SYNE1: variants seen among roughly 807,000 people sequenced by gnomAD.
The protein encoded by SYNE1 is spectrin repeat containing nuclear envelope protein 1.
Under a neutral mutation model 1,111.0 loss-of-function variants are expected in SYNE1, and 616 were observed. The observed-to-expected ratio is 0.55, with a 90% CI of 0.52 to 0.59. The LOEUF (loss-of-function observed/expected upper bound fraction) is 0.59. Among genes scored for constraint, SYNE1 ranks in the 20% least tolerant of loss-of-function variants. The pLI, the probability that SYNE1 is intolerant of heterozygous loss-of-function variation, is 0.00. For synonymous variants in SYNE1, 3,855 were observed against 3,825.8 expected, an observed-to-expected ratio of 1.01 and a Z score of -0.28; for missense variants, 10,006 against 10,417.0, an observed-to-expected ratio of 0.96 and a Z score of 1.72.
chr6:152,218,428 T>C (rs577726724), intron 120 of SYNE1, 25 bp from the exon 121 acceptor site: 6 of 1,569,842 alleles, frequency 3.8e-6, no homozygotes, highest in East Asian at 4.7e-5. Flanking sequence ...AAGAAATTGG[T>C]ATTTCAGTTA....
At chr6:152,231,089 A>C (rs1329270527) in intron 114 of SYNE1, among the ~76,000 whole-genome samples, 1 of 152,256 alleles carries the variant, frequency 6.6e-6, no homozygotes, top group Admixed American at 6.5e-5. Flanking sequence ...ATAAAGTATG[A>C]ATCAATGACT....
At chr6:152,432,174 G>A (rs1399901080) in intron 34 of SYNE1, among the ~76,000 whole-genome samples, 1 of 152,166 alleles carries the variant, frequency 6.6e-6, no homozygotes, top group Non-Finnish European at 1.5e-5. Context: ...TTAGGAATAA[G>A]AACTCAGTCA....
chr6:152,213,521 C>A, intron 123 of SYNE1, 91 bp downstream of exon 123: 1 of 1,417,360 alleles, frequency 7.1e-7, no homozygotes, highest in Non-Finnish European at 1.0e-6. Flanking sequence ...GTGCAAAGGG[C>A]ATGATTTTAA....
rs146099481 is a variant in SYNE1, at chr6:152,399,679, C to T, written c.7174G>A (p.Val2392Met). 1.9e-5 allele frequency: 30 copies of T among 1,614,130 alleles called. No homozygotes were observed. In the East Asian group the frequency reaches 4.2e-4, roughly 23 times the overall value. The part of the protein sequence containing the change: ...MTGLIKKHEA[V>M]SQLCSKTQAS... The stretch of plus-strand genomic sequence containing the variant: ...TGGGTTTTGGAGCACAACTGGCTCA[C>T]GGCTTCATGTTTCTTTATCAGACCA... The change falls in exon 48 of 146, where the codon GTG becomes ATG. Residue 2392 changes from valine to methionine, a missense_variant. This residue lies in a region of SYNE1 where 4,955 missense variants were observed against 5,017.2 expected (regional missense o/e 0.99). Transcript: ENST00000367255.
intron 96 of SYNE1, 141 bp downstream of exon 96, chr6:152,283,836 TG>T: frequency 1.3e-6 from 1 of 781,244 alleles, no homozygotes. Context: ...CTCCCGGCCG[TG>T]GAGACCATTC....
At chr6:152,360,178 G>A (rs1381056027) in intron 64 of SYNE1, among the ~76,000 whole-genome samples, 2 of 152,152 alleles carry the variant, frequency 1.3e-5, no homozygotes, top group Non-Finnish European at 2.9e-5. Flanking sequence ...TCCCAATGCT[G>A]CCGGGATCAA....
chr6:152,584,966 G>A (rs1010775650), intron 3 of SYNE1, among the ~76,000 whole-genome samples: 1 of 152,156 alleles, frequency 6.6e-6, no homozygotes, highest in African/African-American at 2.4e-5. Context: ...GCTTGGCTAT[G>A]TCTCCATCCA....
In SYNE1 at chr6:152,389,303, T is replaced by G. The variant is rs140735359; in HGVS notation, c.8177+977A>C. 3.0e-3 allele frequency among the ~76,000 whole-genome samples: 461 copies of G among 152,292 alleles called. 2 individuals are homozygous for G. The highest frequency in any genetic ancestry group is 6.8e-3 in the Middle Eastern group (2 of 292). ...CTGCCCAGATTTATTTCATTGCCCA[T>G]GTACTAAGCCTAGCATATGACAGTT... On this transcript the variant is annotated intron_variant, in intron 53 of 145. Transcript: ENST00000367255.
rs577328224 is a variant in SYNE1, at chr6:152,256,914, C to A, written c.18973-149G>T. On this transcript the variant is annotated intron_variant, in intron 101 of 145. Transcript: ENST00000367255. ...ATATAACTTCTACAACATACCATGT[C>A]CACTGAACACAGTGGCCAGATGCAT... 4.8e-6 allele frequency: 6 copies of A among 1,254,636 alleles called. 1 individual carries two copies. In the South Asian group the frequency reaches 7.4e-5, roughly 15 times the overall value. 77.7% of individuals were successfully genotyped at this position (1,254,636 alleles called of 1,614,324 possible). A position where few individuals can be genotyped will look rare whatever the true frequency, so the allele number is the denominator to read the frequency against.
At chr6:152,477,738 G>A (rs989916295) in intron 14 of SYNE1, among the ~76,000 whole-genome samples, 4 of 152,142 alleles carry the variant, frequency 2.6e-5, no homozygotes, top group Non-Finnish European at 4.4e-5. Flanking sequence ...CTTTGCAACT[G>A]AGAAAGCTCA....
rs868495738 is a variant in SYNE1 at position 152,385,074 on chromosome 6, T to C, written c.8652+600A>G. Among the ~76,000 whole-genome samples, 8 of 152,288 alleles carry C rather than the reference T, an allele frequency of 5.3e-5. 1 individual carries two copies. Among genetic ancestry groups the C allele is most frequent in the Admixed American group, 6.5e-5 (1 of 15,298 alleles). Reference sequence around the variant, plus strand: ...ACTGAGGATTTCATTGCTCCTTCATTTTAATGTTAAAATCCATTTTCCATG... The same window carrying C: ...ACTGAGGATTTCATTGCTCCTTCATCTTAATGTTAAAATCCATTTTCCATG... On this transcript the variant is annotated intron_variant, in intron 55 of 145. Transcript: ENST00000367255.
At position 152,207,910 on chromosome 6, in the gene SYNE1, G is replaced by A. The variant is rs1223355240; in HGVS notation, c.22824+62C>T. 1.9e-5 allele frequency: 30 copies of A among 1,559,162 alleles called. 1 individual carries two copies. The highest frequency in any genetic ancestry group is 2.4e-5 in the Non-Finnish European group (27 of 1,130,846). Reference sequence around the variant, plus strand: ...TAGAGTCCTTTTGAAAAACCGAGGCGAAGGTAAAGTGTGCGGTGGAAATGC... The same window carrying A: ...TAGAGTCCTTTTGAAAAACCGAGGCAAAGGTAAAGTGTGCGGTGGAAATGC... On this transcript the variant is annotated intron_variant, in intron 125 of 145. Coordinates refer to ENST00000367255, the MANE Select transcript of SYNE1 (RefSeq NM_182961.4).
At chr6:152,145,118 CA>C (rs1030611069) in intron 137 of SYNE1, 1 of 332,582 alleles carries the variant, frequency 3.0e-6, no homozygotes, top group Admixed American at 4.3e-5. Flanking sequence ...CCTGAGTCTC[CA>C]GCCACAGGTA....
At chr6:152,368,733 G>A (rs2097127583) in intron 61 of SYNE1, 1 of 543,818 alleles carries the variant, frequency 1.8e-6, no homozygotes, top group Non-Finnish European at 3.3e-6. Flanking sequence ...AAGACTGAAA[G>A]TCTCCTCAAT....
At chr6:152,176,014 ATTTTTT>A (rs3215782) in intron 130 of SYNE1, among the ~76,000 whole-genome samples, 19,551 of 142,610 alleles carry the variant, frequency 0.14, 1,870 homozygotes, top group East Asian at 0.3. Context: ...AGATTTAGTA[ATTTTTT>A]TTTTTTTTTT....
intron 98 of SYNE1, among the ~76,000 whole-genome samples, chr6:152,273,371 G>C (rs1166323311): frequency 6.6e-6 from 1 of 152,052 alleles, no homozygotes; most frequent in African/African-American, 2.4e-5. Flanking sequence ...TGCAATTTGA[G>C]CATTTATTGT....
chr6:152,564,053 G>A (rs2099403376), intron 3 of SYNE1, among the ~76,000 whole-genome samples: 1 of 152,170 alleles, frequency 6.6e-6, no homozygotes, highest in Non-Finnish European at 1.5e-5. Context: ...GTGTAAGAAT[G>A]TACAAAGAAT....
intron 3 of SYNE1, among the ~76,000 whole-genome samples, chr6:152,592,748 A>G (rs1192351733): frequency 6.6e-6 from 1 of 152,252 alleles, no homozygotes; most frequent in Non-Finnish European, 1.5e-5. Context: ...ACTTGATAAT[A>G]TCCTCTCCAC....
intron 98 of SYNE1, among the ~76,000 whole-genome samples, chr6:152,273,785 G>C (rs1440919182): frequency 6.6e-6 from 1 of 152,162 alleles, no homozygotes; most frequent in Non-Finnish European, 1.5e-5. Context: ...TCTTAGACAG[G>C]AGACCAGCTT....
Sources: allele counts gnomAD v4.1 joint callset (sites outside exome capture counted in the v4.1 genomes callset), GRCh38; gene constraint gnomAD v4.1.1; regional missense constraint gnomAD v4.1.1; transcripts MANE v1.5; gene names NCBI Gene and HGNC (gene_info 2026-07-23, HGNC 2026-07-21).